Variants in SLC10A7 observed in about 807,000 individuals in gnomAD.
SLC10A7 encodes the protein solute carrier family 10 member 7.
A neutral mutation model predicts 43.2 loss-of-function variants in SLC10A7; 29 were observed. That is an observed-to-expected ratio of 0.67 (90% CI 0.50 to 0.92). The LOEUF is 0.92. Ranked by LOEUF, SLC10A7 falls within the 40% of genes least tolerant of loss-of-function variation. The pLI, the probability that SLC10A7 is intolerant of heterozygous loss-of-function variation, is 0.00. For synonymous variants in SLC10A7, 152 were observed against 144.8 expected (o/e 1.05, Z -0.35); for missense variants, 295 against 403.2 (o/e 0.73, Z 2.30).
chr4:146,276,787 C>G (rs1028687702), intron 10 of SLC10A7, among the ~76,000 whole-genome samples: 8 of 151,862 alleles, frequency 5.3e-5, no homozygotes, highest in Admixed American at 5.3e-4. Flanking sequence ...CCCGTCTCTA[C>G]AAAAAAATTT....
At chr4:146,398,507 G>A (rs892112082) in intron 5 of SLC10A7, among the ~76,000 whole-genome samples, 12 of 152,124 alleles carry the variant, frequency 7.9e-5, no homozygotes, top group Middle Eastern at 3.2e-3. Context: ...TTACCAAACC[G>A]TGGAATATTT....
intron 9 of SLC10A7, 68 bp from the exon 10 acceptor site, chr4:146,283,333 T>G (rs1729670017): frequency 2.5e-6 from 3 of 1,180,024 alleles, no homozygotes; most frequent in Non-Finnish European, 3.8e-6. Context: ...CAAAATCAAA[T>G]GTAGTACCTA....
intron 6 of SLC10A7, among the ~76,000 whole-genome samples, chr4:146,314,727 G>C (rs182552850): frequency 2.0e-5 from 3 of 152,254 alleles, no homozygotes; most frequent in Non-Finnish European, 4.4e-5. Context: ...GTTTCAAGAG[G>C]TCTTGATGCT....
intron 5 of SLC10A7, among the ~76,000 whole-genome samples, chr4:146,429,032 G>GA (rs1222247400): frequency 1.3e-5 from 2 of 151,730 alleles, no homozygotes; most frequent in Non-Finnish European, 1.5e-5. Flanking sequence ...TTCTTTAGTA[G>GA]AAAAAAAATC....
At chr4:146,433,787 G>C (rs999189072) in intron 5 of SLC10A7, among the ~76,000 whole-genome samples, 1 of 152,144 alleles carries the variant, frequency 6.6e-6, no homozygotes, top group African/African-American at 2.4e-5. Flanking sequence ...CAGGAGTTCA[G>C]GCTGCAGTGA....
chr4:146,305,834 C>T (rs900832510), intron 7 of SLC10A7, 92 bp downstream of exon 7: 3 of 1,095,106 alleles, frequency 2.7e-6, no homozygotes, highest in Non-Finnish European at 2.6e-6. Context: ...TCTCCTCCCT[C>T]TGAATATCCT....
intron 10 of SLC10A7, among the ~76,000 whole-genome samples, chr4:146,282,391 T>G (rs1354855393): frequency 1.3e-5 from 2 of 152,208 alleles, no homozygotes; most frequent in Non-Finnish European, 2.9e-5. Flanking sequence ...CTAAGAACAT[T>G]GTAATGATTC....
chr4:146,446,575 CAAA>C (rs11300760), intron 4 of SLC10A7, among the ~76,000 whole-genome samples: 39 of 128,054 alleles, frequency 3.0e-4, no homozygotes, highest in Non-Finnish European at 3.3e-4. Context: ...GACCCTGTCT[CAAA>C]AAAAAAAAAA....
chr4:146,315,520 T>C (rs1732267655), intron 6 of SLC10A7, among the ~76,000 whole-genome samples: 1 of 152,162 alleles, frequency 6.6e-6, no homozygotes, highest in Non-Finnish European at 1.5e-5. Flanking sequence ...AGTTTCTATC[T>C]ACCTTTTCAT....
chr4:146,284,286 T>C (rs2062437), intron 9 of SLC10A7, among the ~76,000 whole-genome samples: 71,753 of 151,898 alleles, frequency 0.47, 17,143 homozygotes, highest in Admixed American at 0.57. Context: ...GATATAACAA[T>C]GTACCTGATT....
chr4:146,256,731 G>T, intron 11 of SLC10A7: 1 of 1,080,322 alleles, frequency 9.3e-7, no homozygotes, highest in Non-Finnish European at 1.3e-6. Context: ...TCCCACACCT[G>T]GCCTGGCTAC....
chr4:146,362,758 G>A (rs771112423), intron 5 of SLC10A7, among the ~76,000 whole-genome samples: 23 of 151,850 alleles, frequency 1.5e-4, no homozygotes, highest in African/African-American at 3.1e-4. Flanking sequence ...TTTTCCTTGC[G>A]TGTTTTTTTC....
At position 146,433,083 on chromosome 4, in the gene SLC10A7, C is replaced by T. The variant is rs575485031; in HGVS notation, c.435+9700G>A. Among the ~76,000 whole-genome samples the T allele has an allele frequency of 3.3e-5, 5 of 151,288 alleles. No individual in the cohort carries two copies. The South Asian group carries it at 1.0e-3, about 32-fold the overall frequency. On this transcript the variant is annotated intron_variant, in intron 5 of 11. Coordinates refer to ENST00000335472, the MANE Select transcript of SLC10A7 (RefSeq NM_001029998.6). ...CAATAAAAAATCAACCCCCCTCACC[C>T]ATATACACACAAAACAAAAATTAGA...
At chr4:146,270,772 G>C (rs1260439140) in intron 10 of SLC10A7, among the ~76,000 whole-genome samples, 1 of 152,200 alleles carries the variant, frequency 6.6e-6, no homozygotes, top group African/African-American at 2.4e-5. Context: ...TGGTTTTCTA[G>C]TTTGGACAAT....
intron 4 of SLC10A7, among the ~76,000 whole-genome samples, chr4:146,483,667 C>T (rs1377300017): frequency 2.0e-5 from 3 of 151,734 alleles, no homozygotes; most frequent in East Asian, 3.9e-4. Flanking sequence ...ATAAAAAAGA[C>T]ATAGAGAGGA....
chr4:146,329,843 A>G (rs895178260), intron 5 of SLC10A7, among the ~76,000 whole-genome samples: 7 of 152,096 alleles, frequency 4.6e-5, no homozygotes, highest in African/African-American at 1.7e-4. Flanking sequence ...TAAACATGTT[A>G]TTTTCTTTTG....
intron 7 of SLC10A7, among the ~76,000 whole-genome samples, chr4:146,296,098 AATACCAAATCCACTG>A (rs1730766199): frequency 6.6e-6 from 1 of 152,154 alleles, no homozygotes. Flanking sequence ...GACCTCTGTG[AATACCAAATCCACTG>A]ATGCTCAAAC....
rs148139634 is a variant in SLC10A7 at position 146,486,188 on chromosome 4, A to G, written c.396+17661T>C. Among the ~76,000 whole-genome samples, 12 of 152,358 alleles carry G rather than the reference A, an allele frequency of 7.9e-5. No individual in the cohort carries two copies. In the East Asian group the frequency reaches 2.3e-3, roughly 29 times the overall value. Reference sequence around the variant, plus strand: ...CAATAAGACCATTCAATACTCAACTAGAAACTGCAGGTCATTCAAATAAGC... The same window carrying G: ...CAATAAGACCATTCAATACTCAACTGGAAACTGCAGGTCATTCAAATAAGC... On this transcript the variant is annotated intron_variant, in intron 4 of 11. Transcript: ENST00000335472.
chr4:146,403,480 C>T (rs895129324), intron 5 of SLC10A7, among the ~76,000 whole-genome samples: 1 of 152,096 alleles, frequency 6.6e-6, no homozygotes, highest in Non-Finnish European at 1.5e-5. Context: ...TAGTGCTTTC[C>T]GTGAGAGGAC....
Sources: allele counts gnomAD v4.1 joint callset (sites outside exome capture counted in the v4.1 genomes callset), GRCh38; gene constraint gnomAD v4.1.1; transcripts MANE v1.5; gene names NCBI Gene and HGNC (gene_info 2026-07-23, HGNC 2026-07-21).